Variants in CENPP observed in about 807,000 individuals in gnomAD.
CENPP encodes the protein centromere protein P.
CENPP carries 24 observed loss-of-function variants against 35.6 expected under a neutral mutation model. The ratio of observed to expected loss-of-function variants is 0.67; its 90% CI spans 0.49 to 0.95. The LOEUF is 0.95. CENPP is among the 40% of genes least tolerant of loss of function. The pLI is 0.00. For synonymous variants in CENPP, 120 were observed against 125.5 expected, an observed-to-expected ratio of 0.96 and a Z score of 0.29; for missense variants, 332 against 345.3, an observed-to-expected ratio of 0.96 and a Z score of 0.31.
intron 5 of CENPP, among the ~76,000 whole-genome samples, chr9:92,479,730 G>C (rs975716992): frequency 6.6e-6 from 1 of 152,232 alleles, no homozygotes; most frequent in Middle Eastern, 3.4e-3. Flanking sequence ...CTAATCTTTT[G>C]CATTTGTGTA....
chr9:92,524,450 G>A (rs1046023276), intron 5 of CENPP, among the ~76,000 whole-genome samples: 2 of 152,148 alleles, frequency 1.3e-5, no homozygotes, highest in Non-Finnish European at 2.9e-5. Context: ...CTCCATCAAG[G>A]TGTTGCAGCA....
In CENPP at chr9:92,355,649, G is replaced by A. The variant is rs60391151; in HGVS notation, c.467+9862G>A. ...TCATTTGCTATAGCTTCTACTCTTC[G>A]AATTTTACACTGGAGACCTAAAAAA... On this transcript the variant is annotated intron_variant, in intron 4 of 7. Transcript: ENST00000375587. Among the ~76,000 whole-genome samples the A allele has an allele frequency of 6.1e-4, 93 of 152,128 alleles. 1 individual carries two copies. Among genetic ancestry groups the A allele is most frequent in the African/African-American group, 2.1e-3 (86 of 41,524 alleles).
At chr9:92,573,741 C>T (rs1367075722) in intron 5 of CENPP, among the ~76,000 whole-genome samples, 1 of 152,224 alleles carries the variant, frequency 6.6e-6, no homozygotes, top group Non-Finnish European at 1.5e-5. Context: ...CTGCAGTGGG[C>T]TCCACCCAGT....
At chr9:92,514,635 G>A (rs1847570168) in intron 5 of CENPP, 1 of 1,568,150 alleles carries the variant, frequency 6.4e-7, no homozygotes, top group Non-Finnish European at 8.7e-7. Flanking sequence ...TCTTACCAGT[G>A]AGCTCCAGAC....
chr9:92,484,345 T>C (rs1221830078), intron 5 of CENPP, among the ~76,000 whole-genome samples: 1 of 152,222 alleles, frequency 6.6e-6, no homozygotes, highest in African/African-American at 2.4e-5. Context: ...CTGAACTTTA[T>C]ATAAATGGAA....
chr9:92,572,646 G>A (rs937297269), intron 5 of CENPP, among the ~76,000 whole-genome samples: 5 of 152,130 alleles, frequency 3.3e-5, no homozygotes, highest in African/African-American at 4.8e-5. Flanking sequence ...GCCTTGCTAT[G>A]TTGGGGAAGT....
At chr9:92,563,992 C>T (rs1317536721) in intron 5 of CENPP, among the ~76,000 whole-genome samples, 1 of 152,134 alleles carries the variant, frequency 6.6e-6, no homozygotes. Context: ...ATTTACTTAG[C>T]CAGTTACATA....
chr9:92,533,441 C>G (rs1848984373), intron 5 of CENPP, among the ~76,000 whole-genome samples: 1 of 144,142 alleles, frequency 6.9e-6, no homozygotes, highest in Non-Finnish European at 1.5e-5. Context: ...TCTCTCTGTC[C>G]TCCTGAGGCT....
chr9:92,521,435 G>A (rs1033019459), intron 5 of CENPP, among the ~76,000 whole-genome samples: 1 of 151,926 alleles, frequency 6.6e-6, no homozygotes. Flanking sequence ...TGTAAGTGTG[G>A]CCTAAATTGC....
intron 5 of CENPP, among the ~76,000 whole-genome samples, chr9:92,530,433 A>G (rs974971811): frequency 3.9e-5 from 6 of 152,354 alleles, no homozygotes; most frequent in African/African-American, 1.4e-4. Flanking sequence ...AAAAATTAGT[A>G]GTCATTTTAT....
At chr9:92,377,123 A>G (rs1242754598) in intron 4 of CENPP, among the ~76,000 whole-genome samples, 1 of 151,742 alleles carries the variant, frequency 6.6e-6, no homozygotes, top group African/African-American at 2.4e-5. Flanking sequence ...CAGAGCATTT[A>G]CCTGTGCAAA....
intron 5 of CENPP, among the ~76,000 whole-genome samples, chr9:92,513,634 A>G (rs1022718128): frequency 6.6e-6 from 1 of 152,230 alleles, no homozygotes; most frequent in African/African-American, 2.4e-5. Flanking sequence ...CTGATACACA[A>G]AACAAAATGG....
chr9:92,490,537 A>C (rs1177335506), intron 5 of CENPP, among the ~76,000 whole-genome samples: 1 of 152,188 alleles, frequency 6.6e-6, no homozygotes, highest in African/African-American at 2.4e-5. Context: ...CCTTTTTCTA[A>C]ATAAGGGAAA....
At chr9:92,477,345 T>C (rs142090803) in intron 5 of CENPP, among the ~76,000 whole-genome samples, 63 of 152,328 alleles carry the variant, frequency 4.1e-4, no homozygotes, top group African/African-American at 1.5e-3. Context: ...AGGGCTGTTG[T>C]GTGGCTCCTG....
At chr9:92,535,831 G>A (rs1849135898) in intron 5 of CENPP, 3 of 326,204 alleles carry the variant, frequency 9.2e-6, no homozygotes, top group Non-Finnish European at 1.8e-5. Context: ...TATTAGTAAC[G>A]AGCTAATTTA....
intron 5 of CENPP, among the ~76,000 whole-genome samples, chr9:92,588,739 A>G (rs1270996657): frequency 6.6e-6 from 1 of 152,154 alleles, no homozygotes; most frequent in East Asian, 1.9e-4. Context: ...AATCAACAAA[A>G]CGCAGACAAT....
intron 5 of CENPP, among the ~76,000 whole-genome samples, chr9:92,400,347 C>T (rs1234309798): frequency 3.3e-5 from 5 of 152,138 alleles, no homozygotes; most frequent in African/African-American, 1.2e-4. Flanking sequence ...GACAGGGTTT[C>T]ACCATCTTGA....
chr9:92,458,259 T>C (rs1844959327), intron 5 of CENPP, among the ~76,000 whole-genome samples: 1 of 152,228 alleles, frequency 6.6e-6, no homozygotes, highest in South Asian at 2.1e-4. Flanking sequence ...TTGGCCTTTT[T>C]TGGTAACAGT....
rs141987934 is a variant in CENPP, at chr9:92,603,581, G to A, written c.565-7733G>A. ...AGCTGTTGCCCACTCCCTCCTCAGC[G>A]ATCCCTGTGCACTTCCCCACCTTCC... On this transcript the variant is annotated intron_variant, in intron 5 of 7. Transcript: ENST00000375587. 3.9e-5 allele frequency among the ~76,000 whole-genome samples: 6 copies of A among 152,032 alleles called. No individual in the cohort carries two copies. In the East Asian group the frequency reaches 1.2e-3, roughly 29 times the overall value.
Sources: gnomAD v4.1 joint callset for allele counts (sites outside exome capture counted in the v4.1 genomes callset) on GRCh38, gnomAD v4.1.1 for gene constraint, MANE v1.5 for transcripts, NCBI Gene and HGNC (gene_info 2026-07-23, HGNC 2026-07-21) for gene names.